PPP2R2B: variants seen among roughly 807,000 people sequenced by gnomAD.
PPP2R2B encodes protein phosphatase 2 regulatory subunit Bbeta.
In PPP2R2B, 5 loss-of-function variants were observed where a neutral mutation model predicts 46.0. The observed-to-expected ratio is 0.11, with a 90% CI of 0.06 to 0.23. The LOEUF is 0.23. Among genes scored for constraint, PPP2R2B ranks in the 10% least tolerant of loss-of-function variants. PPP2R2B has a pLI of 1.00. For missense variants in PPP2R2B, 367 were observed against 575.0 expected, an observed-to-expected ratio of 0.64 and a Z score of 3.70; for synonymous variants, 215 against 206.7, an observed-to-expected ratio of 1.04 and a Z score of -0.34.
At chr5:146,591,664 A>G (rs1300523663) in intron 9 of PPP2R2B, among the ~76,000 whole-genome samples, 1 of 141,568 alleles carries the variant, frequency 7.1e-6, no homozygotes, top group East Asian at 2.1e-4. Flanking sequence ...CAAGTAAGAG[A>G]TTATTTTCCA....
At chr5:146,669,808 G>A (rs577642830) in intron 5 of PPP2R2B, among the ~76,000 whole-genome samples, 3 of 152,252 alleles carry the variant, frequency 2.0e-5, no homozygotes, top group African/African-American at 4.8e-5. Flanking sequence ...TGAGGTCCTC[G>A]GGATCAGCAG....
chr5:146,748,727 T>G (rs1181026425), intron 2 of PPP2R2B, among the ~76,000 whole-genome samples: 1 of 152,258 alleles, frequency 6.6e-6, no homozygotes, highest in African/African-American at 2.4e-5. Flanking sequence ...TTTTAATTGC[T>G]GAATAGTATT....
At chr5:147,071,222 T>C (rs549929339) in intron 2 of PPP2R2B, among the ~76,000 whole-genome samples, 2 of 152,318 alleles carry the variant, frequency 1.3e-5, no homozygotes, top group Middle Eastern at 3.4e-3. Context: ...GGAGAGGATC[T>C]GAGTCCTCTA....
At chr5:146,787,006 TA>T in intron 2 of PPP2R2B, among the ~76,000 whole-genome samples, 1 of 152,312 alleles carries the variant, frequency 6.6e-6, no homozygotes, top group African/African-American at 2.4e-5. Flanking sequence ...ATTTTACAGA[TA>T]AAAAACTGAA....
In PPP2R2B at chr5:146,708,985, T is replaced by A. The variant is rs531678099; in HGVS notation, c.71-7843A>T. Among the ~76,000 whole-genome samples the A allele has an allele frequency of 2.7e-4, 41 of 152,318 alleles. No homozygotes were observed. In the South Asian group the frequency reaches 5.8e-3, roughly 22 times the overall value. ...TTTAGTTTGGTACTAAAGACAGAAGTAGTAAATACACAGTTCTGATTACAC... is the reference window on the plus strand; with the variant it reads ...TTTAGTTTGGTACTAAAGACAGAAGAAGTAAATACACAGTTCTGATTACAC... On this transcript the variant is annotated intron_variant, in intron 2 of 9. Coordinates refer to ENST00000394411, the MANE Select transcript of PPP2R2B (RefSeq NM_181675.4).
intron 5 of PPP2R2B, among the ~76,000 whole-genome samples, chr5:146,661,203 G>A (rs557183034): frequency 1.5e-4 from 23 of 152,254 alleles, no homozygotes; most frequent in East Asian, 9.6e-4. Context: ...CAGGAGCTAG[G>A]GAGGTAGCTA....
intron 2 of PPP2R2B, among the ~76,000 whole-genome samples, chr5:146,777,338 A>T (rs1309943529): frequency 6.6e-6 from 1 of 152,198 alleles, no homozygotes. Flanking sequence ...ATGAACCTCA[A>T]AAACATTCTA....
rs112735259 is a variant in PPP2R2B at position 146,912,286 on chromosome 5, C to A, written c.79+143379G>T. Among the ~76,000 whole-genome samples the A allele has an allele frequency of 6.1e-5, 9 of 148,154 alleles. 1 individual carries two copies. The highest frequency in any genetic ancestry group is 2.2e-4 in the South Asian group (1 of 4,570). ...AGTTCCCTAAGAGAGGTACAGCATA[C>A]CCTAAAGAGAGTGACCTTATCATCT... On this transcript the variant is annotated intron_variant, in intron 1 of 8. Coordinates refer to the PPP2R2B transcript ENST00000336640.
chr5:146,770,897 C>T (rs918508060), intron 2 of PPP2R2B, among the ~76,000 whole-genome samples: 1 of 152,136 alleles, frequency 6.6e-6, no homozygotes, highest in South Asian at 2.1e-4. Flanking sequence ...CAGAGAACAA[C>T]CTATTTACTT....
intron 2 of PPP2R2B, among the ~76,000 whole-genome samples, chr5:146,755,272 A>AAAGGGAAGAAATACAATGT (rs1753773371): frequency 1.3e-5 from 2 of 152,204 alleles, no homozygotes; most frequent in African/African-American, 4.8e-5. Context: ...GAAAGCACTA[A>AAAGGGAAGAAATACAATGT]AAGGGAAGAA....
chr5:147,068,850 A>G (rs1266985544), intron 2 of PPP2R2B, among the ~76,000 whole-genome samples: 1 of 152,152 alleles, frequency 6.6e-6, no homozygotes, highest in South Asian at 2.1e-4. Context: ...ATTACCTGGT[A>G]TATTTGATTA....
intron 7 of PPP2R2B, among the ~76,000 whole-genome samples, chr5:146,615,613 C>G (rs1462567612): frequency 6.7e-6 from 1 of 149,386 alleles, no homozygotes; most frequent in African/African-American, 2.5e-5. Flanking sequence ...ATCTCAACAG[C>G]AAATAATCTC....
chr5:146,779,615 G>A (rs1432829957), intron 2 of PPP2R2B, among the ~76,000 whole-genome samples: 1 of 152,250 alleles, frequency 6.6e-6, no homozygotes, highest in South Asian at 2.1e-4. Flanking sequence ...GAGGCCAACA[G>A]TCTATTACAA....
intron 2 of PPP2R2B, among the ~76,000 whole-genome samples, chr5:146,792,588 A>G (rs1756269449): frequency 6.6e-6 from 1 of 152,236 alleles, no homozygotes; most frequent in South Asian, 2.1e-4. Flanking sequence ...AATGCAGATC[A>G]GAAAGACTAA....
chr5:146,942,139 C>T (rs969439464), intron 1 of PPP2R2B, among the ~76,000 whole-genome samples: 1 of 152,134 alleles, frequency 6.6e-6, no homozygotes, highest in Non-Finnish European at 1.5e-5. Context: ...ATTACATGCG[C>T]AAAGACTCTT....
rs1292894561 is a variant in PPP2R2B, at chr5:146,855,029, T to C, written c.70+22973A>G. On this transcript the variant is annotated intron_variant, in intron 2 of 9. Transcript: ENST00000394411. The stretch of plus-strand genomic sequence containing the variant: ...GAGGAGGAATAGGGGGCATAAAAGT[T>C]GGAAGCTCCAGGGAAATCCACTCAA... Among the ~76,000 whole-genome samples, 5 of 152,162 alleles carry C rather than the reference T, an allele frequency of 3.3e-5. No individual in the cohort carries two copies. In the South Asian group the frequency reaches 1.0e-3, roughly 32 times the overall value.
chr5:146,830,433 C>T (rs1005973529), intron 2 of PPP2R2B, among the ~76,000 whole-genome samples: 18 of 152,030 alleles, frequency 1.2e-4, no homozygotes, highest in African/African-American at 4.1e-4. Context: ...CAACAGTACC[C>T]GAACCTTAAA....
intron 1 of PPP2R2B, among the ~76,000 whole-genome samples, chr5:146,910,200 T>A (rs1280437206): frequency 1.3e-5 from 2 of 152,204 alleles, no homozygotes; most frequent in Admixed American, 6.5e-5. Context: ...ATTTCATTTT[T>A]CACGAGCCTA....
intron 2 of PPP2R2B, among the ~76,000 whole-genome samples, chr5:146,876,670 T>G (rs1315781468): frequency 6.6e-6 from 1 of 152,228 alleles, no homozygotes; most frequent in Non-Finnish European, 1.5e-5. Flanking sequence ...AAAAGCCATC[T>G]CTAAGCTCCT....
Sources: allele counts gnomAD v4.1 joint callset (sites outside exome capture counted in the v4.1 genomes callset), GRCh38; gene constraint gnomAD v4.1.1; transcripts MANE v1.5; gene names NCBI Gene and HGNC (gene_info 2026-07-23, HGNC 2026-07-21).